The following EPM2A variants were observed in gnomAD, a reference collection of about 807,000 sequenced individuals.
EPM2A encodes the protein EPM2A glucan phosphatase, laforin, also known as laforin.
In EPM2A, 21 loss-of-function variants were observed where a neutral mutation model predicts 26.5. The observed-to-expected ratio is 0.79, with a 90% CI of 0.56 to 1.14. The LOEUF (loss-of-function observed/expected upper bound fraction) is 1.14. EPM2A is among the 50% of genes most tolerant of loss of function. The probability of loss-of-function intolerance (pLI) is 0.00; values close to 1 mark genes in which losing one functional copy is unlikely to be tolerated. For synonymous variants in EPM2A, 217 were observed against 177.6 expected (o/e 1.22, Z -1.76); for missense variants, 458 against 440.8 (o/e 1.04, Z -0.35).
rs1333556119 is a variant in EPM2A at position 145,735,273 on chromosome 6, C to G, written c.226G>C (p.Ala76Pro). The G allele has an allele frequency of 1.3e-6, 2 of 1,509,242 alleles. No homozygotes were observed. The highest frequency in any genetic ancestry group is 1.8e-6 in the Non-Finnish European group (2 of 1,127,364). The allele number at this position is 1,509,242 out of a possible 1,614,324, so 93.5% of individuals were successfully genotyped here. ...LAAEEAAQDG[A>P]EPGRVDTFWY... ...AACGTGTCCACGCGGCCCGGCTCCG[C>G]CCCGTCCTGCGCCGCCTCCTCGGCC... Residue 76 changes from alanine to proline, a missense_variant, in exon 1 of 4, where the codon GCG becomes CCG. Coordinates refer to ENST00000367519, the MANE Select transcript of EPM2A (RefSeq NM_005670.4).
chr6:145,425,156 T>TCCTTCCTTCCTTCCTC (rs1562329570), intron 4 of EPM2A, among the ~76,000 whole-genome samples: 1 of 150,804 alleles, frequency 6.6e-6, no homozygotes, highest in Non-Finnish European at 1.5e-5. Context: ...CTTCCTTCCT[T>TCCTTCCTTCCTTCCTC]CCTTTCCTTC....
At chr6:145,674,885 C>A (rs1400369644) in intron 2 of EPM2A, among the ~76,000 whole-genome samples, 1 of 152,162 alleles carries the variant, frequency 6.6e-6, no homozygotes, top group Admixed American at 6.5e-5. Context: ...AGGAGAATTT[C>A]TCCAACCTGG....
At chr6:145,529,924 C>T (rs1366977044) in intron 2 of EPM2A, among the ~76,000 whole-genome samples, 2 of 152,108 alleles carry the variant, frequency 1.3e-5, no homozygotes, top group African/African-American at 4.8e-5. Context: ...ATGCCATCTT[C>T]TATTTTTTTT....
chr6:145,407,867 G>A (rs1190801352), intron 4 of EPM2A, among the ~76,000 whole-genome samples: 1 of 152,096 alleles, frequency 6.6e-6, no homozygotes, highest in African/African-American at 2.4e-5. Context: ...TTTCTAAGAT[G>A]ATTTTTCAAT....
intron 2 of EPM2A, among the ~76,000 whole-genome samples, chr6:145,559,725 C>A (rs573464963): frequency 6.9e-6 from 1 of 145,824 alleles, no homozygotes; most frequent in African/African-American, 2.5e-5. Flanking sequence ...AACACCAAAT[C>A]ACTACGGTAA....
At chr6:145,487,410 A>G (rs892539108) in intron 4 of EPM2A, among the ~76,000 whole-genome samples, 1 of 152,184 alleles carries the variant, frequency 6.6e-6, no homozygotes, top group African/African-American at 2.4e-5. Flanking sequence ...TCTTTGAGGA[A>G]TCGCCACACT....
intron 4 of EPM2A, chr6:145,489,691 A>G: frequency 7.2e-7 from 1 of 1,395,940 alleles, no homozygotes; most frequent in South Asian, 1.2e-5. Context: ...TTCAGAATCC[A>G]CTGTTGGCTT....
chr6:145,626,265 G>A lies in EPM2A; in HGVS notation c.*1151C>T. 2.0e-6 allele frequency: 2 copies of A among 989,588 alleles called. No homozygotes were observed. Among genetic ancestry groups the A allele is most frequent in the African/African-American group, 1.7e-5 (1 of 57,348 alleles). The allele number at this position is 989,588 out of a possible 1,614,324, so 61.3% of individuals were successfully genotyped here. A position where few individuals can be genotyped will look rare whatever the true frequency, so the allele number is the denominator to read the frequency against. On this transcript the variant is annotated 3_prime_UTR_variant, in exon 4 of 4. Transcript: ENST00000367519. The stretch of plus-strand genomic sequence containing the variant: ...ATCTCTGTATTTCCTGTAGAACCTA[G>A]GGTGATGAGCTGCATAGTCTGGAGG...
At chr6:145,583,601 C>CAAAG (rs1046603008) in intron 2 of EPM2A, among the ~76,000 whole-genome samples, 5 of 152,294 alleles carry the variant, frequency 3.3e-5, no homozygotes, top group African/African-American at 9.6e-5. Context: ...GTGTGCCAGC[C>CAAAG]AAAGCACTTT....
At position 145,609,752 on chromosome 6, in the gene EPM2A, T is replaced by C. The variant is rs78776102; in HGVS notation, c.340+25493A>G. ...AGAGCCAATTGAACATTCAATTTTC[T>C]CTTTGAGTGTGGTAGGACTTTTGGA... On this transcript the variant is annotated intron_variant, in intron 2 of 3. Coordinates refer to the EPM2A transcript ENST00000450221. Among the ~76,000 whole-genome samples the C allele has an allele frequency of 1.2e-3, 186 of 152,352 alleles. 1 individual carries two copies. The highest frequency in any genetic ancestry group is 4.3e-3 in the African/African-American group (179 of 41,580).
At chr6:145,452,595 C>T (rs1458520761) in intron 4 of EPM2A, among the ~76,000 whole-genome samples, 3 of 148,952 alleles carry the variant, frequency 2.0e-5, no homozygotes, top group Admixed American at 6.7e-5. Context: ...TGGCGTGAAC[C>T]CAGGAGACGG....
intron 3 of EPM2A, chr6:145,629,651 G>C (rs892078569): frequency 4.6e-5 from 7 of 152,360 alleles, no homozygotes; most frequent in African/African-American, 1.7e-4. Flanking sequence ...TCACTCCAGG[G>C]AAAGCTGGGT....
At chr6:145,546,518 C>T (rs1780585278) in intron 2 of EPM2A, among the ~76,000 whole-genome samples, 1 of 152,090 alleles carries the variant, frequency 6.6e-6, no homozygotes, top group Non-Finnish European at 1.5e-5. Context: ...TACCAGCTCT[C>T]TGGGTATCCC....
intron 4 of EPM2A, among the ~76,000 whole-genome samples, chr6:145,462,483 T>G (rs1288066034): frequency 1.3e-5 from 2 of 152,222 alleles, no homozygotes; most frequent in African/African-American, 4.8e-5. Flanking sequence ...ATTTCTAGCT[T>G]ACTTATCCGT....
chr6:145,734,797 G>A (rs1316488052), intron 1 of EPM2A: 1 of 153,628 alleles, frequency 6.5e-6, no homozygotes, highest in Non-Finnish European at 1.4e-5. Context: ...CCCGCGAAGG[G>A]GGGGACTCGG....
chr6:145,610,213 C>CA (rs201175075), intron 2 of EPM2A, among the ~76,000 whole-genome samples: 11,031 of 108,252 alleles, frequency 0.1, 1,262 homozygotes, highest in African/African-American at 0.3. Flanking sequence ...GACTCCGTCT[C>CA]AAAAAAAAAA....
intron 1 of EPM2A, among the ~76,000 whole-genome samples, chr6:145,698,550 T>G (rs182247222): frequency 1.3e-5 from 2 of 151,526 alleles, no homozygotes; most frequent in African/African-American, 2.4e-5. Context: ...ACTTCTATGA[T>G]TATAAAAAGA....
intron 2 of EPM2A, among the ~76,000 whole-genome samples, chr6:145,516,902 T>G (rs1562366113): frequency 6.6e-6 from 1 of 152,202 alleles, no homozygotes; most frequent in Non-Finnish European, 1.5e-5. Context: ...ACTTTCATGT[T>G]CATTACAACA....
chr6:145,607,851 G>C (rs1423978541), intron 2 of EPM2A, among the ~76,000 whole-genome samples: 1 of 152,120 alleles, frequency 6.6e-6, no homozygotes. Context: ...CTGTATTCAG[G>C]GTACTAAAAA....
Sources: gnomAD v4.1 joint callset for allele counts (sites outside exome capture counted in the v4.1 genomes callset) on GRCh38, gnomAD v4.1.1 for gene constraint, MANE v1.5 for transcripts, NCBI Gene and HGNC (gene_info 2026-07-23, HGNC 2026-07-21) for gene names.